The following MAPRE2 variants were observed in gnomAD, a reference collection of about 807,000 sequenced individuals.
MAPRE2 encodes the protein microtubule-associated protein RP/EB family member 2.
MAPRE2 carries 13 observed loss-of-function variants against 43.2 expected under a neutral mutation model. That is an observed-to-expected ratio of 0.30 (90% CI 0.20 to 0.48). MAPRE2 has a LOEUF of 0.48. Ranked by LOEUF, MAPRE2 falls within the 20% of genes least tolerant of loss-of-function variation. The pLI, the probability that MAPRE2 is intolerant of heterozygous loss-of-function variation, is 0.99. For missense variants in MAPRE2, 161 were observed against 400.2 expected, an observed-to-expected ratio of 0.40 and a Z score of 5.10; for synonymous variants, 135 against 148.8, an observed-to-expected ratio of 0.91 and a Z score of 0.68.
intron 2 of MAPRE2, among the ~76,000 whole-genome samples, chr18:35,079,246 T>C (rs1907517824): frequency 1.3e-5 from 2 of 152,206 alleles, no homozygotes; most frequent in Admixed American, 1.3e-4. Flanking sequence ...TTTCCTCCTT[T>C]CTATGCTATT....
intron 1 of MAPRE2, among the ~76,000 whole-genome samples, chr18:34,985,499 AT>A (rs367912977): frequency 1.1e-3 from 51 of 44,780 alleles, no homozygotes; most frequent in African/African-American, 2.7e-3. Flanking sequence ...TGTATATTAT[AT>A]AATATATAAT....
intron 2 of MAPRE2, among the ~76,000 whole-genome samples, chr18:35,071,085 G>A (rs187532078): frequency 8.5e-4 from 130 of 152,290 alleles, no homozygotes; most frequent in Middle Eastern, 3.4e-3. Context: ...ACAGGACTGC[G>A]TTTTGTTCTT....
At chr18:34,983,670 C>T (rs2097017533) in intron 1 of MAPRE2, among the ~76,000 whole-genome samples, 1 of 152,116 alleles carries the variant, frequency 6.6e-6, no homozygotes, top group Admixed American at 6.5e-5. Flanking sequence ...CATTCTGTCA[C>T]CCAGGTTAGA....
intron 4 of MAPRE2, among the ~76,000 whole-genome samples, chr18:35,112,670 C>T (rs1456188211): frequency 6.6e-6 from 1 of 152,168 alleles, no homozygotes; most frequent in Non-Finnish European, 1.5e-5. Flanking sequence ...TCCCCTACTC[C>T]CTGGAAGAAG....
intron 2 of MAPRE2, chr18:35,070,593 CTT>C (rs1307524221): frequency 4.4e-6 from 1 of 226,902 alleles, no homozygotes. Flanking sequence ...CTCCTAGCCT[CTT>C]CTCTGTCATC....
chr18:35,047,902 A>G (rs528299449), intron 1 of MAPRE2, among the ~76,000 whole-genome samples: 1 of 152,302 alleles, frequency 6.6e-6, no homozygotes, highest in Admixed American at 6.5e-5. Flanking sequence ...TCTAATGCTT[A>G]TCTAGTTAAG....
At chr18:35,136,418 A>G (rs545636627) in intron 6 of MAPRE2, among the ~76,000 whole-genome samples, 1 of 152,338 alleles carries the variant, frequency 6.6e-6, no homozygotes, top group South Asian at 2.1e-4. Context: ...CCAGTAAGGG[A>G]GACAGACAGG....
At chr18:35,096,422 G>A (rs1908418183) in intron 2 of MAPRE2, among the ~76,000 whole-genome samples, 1 of 152,188 alleles carries the variant, frequency 6.6e-6, no homozygotes, top group Admixed American at 6.5e-5. Flanking sequence ...GCCTATACTA[G>A]TAAGAAGATA....
chr18:35,030,530 T>C (rs1232024651), intron 2 of MAPRE2, among the ~76,000 whole-genome samples: 1 of 148,544 alleles, frequency 6.7e-6, no homozygotes, highest in Non-Finnish European at 1.5e-5. Context: ...AGTTACCTCC[T>C]GTGACAATTG....
intron 1 of MAPRE2, 171 bp downstream of exon 1, chr18:35,041,832 A>G: frequency 6.9e-7 from 1 of 1,443,948 alleles, no homozygotes; most frequent in Non-Finnish European, 9.1e-7. Flanking sequence ...TTGGGTTTGC[A>G]TTGAGGCTCC....
rs869108287 is a variant in MAPRE2, at chr18:35,077,249, GCACA to G, written c.250+6946_250+6949del. 8.8e-4 allele frequency among the ~76,000 whole-genome samples: 78 copies of G among 88,844 alleles called. 1 individual carries two copies. The highest frequency in any genetic ancestry group is 5.0e-3 in the African/African-American group (70 of 14,114). The allele number at this position is 88,844 out of a possible 152,430, so 58.3% of individuals were successfully genotyped here. On this transcript the variant is annotated intron_variant, in intron 2 of 6. Coordinates refer to ENST00000300249, the MANE Select transcript of MAPRE2 (RefSeq NM_014268.4). ...CACAGATACGCGCGCGTGCGCGCGCGCACACACACACACACACACACATACACAC... is the reference window on the plus strand; with the variant it reads ...CACAGATACGCGCGCGTGCGCGCGCGCACACACACACACACACATACACAC...
At chr18:35,083,094 G>A (rs755543517) in intron 2 of MAPRE2, among the ~76,000 whole-genome samples, 2 of 152,098 alleles carry the variant, frequency 1.3e-5, no homozygotes, top group African/African-American at 2.4e-5. Flanking sequence ...GGTGACCTAT[G>A]ACTACAAAAA....
chr18:35,127,914 TA>T (rs2144239853), intron 5 of MAPRE2, among the ~76,000 whole-genome samples: 1 of 152,320 alleles, frequency 6.6e-6, no homozygotes, highest in South Asian at 2.1e-4. Flanking sequence ...TTAAAAGTAA[TA>T]AAAGCAACGG....
chr18:35,055,479 A>G (rs2150608788), intron 1 of MAPRE2, among the ~76,000 whole-genome samples: 1 of 151,710 alleles, frequency 6.6e-6, no homozygotes, highest in South Asian at 2.1e-4. Flanking sequence ...TTTCCAAATA[A>G]AGTCATAATC....
intron 1 of MAPRE2, among the ~76,000 whole-genome samples, chr18:34,993,497 C>G (rs2097024863): frequency 6.6e-6 from 1 of 152,074 alleles, no homozygotes; most frequent in Admixed American, 6.5e-5. Context: ...ACTATAACAA[C>G]CTTTTCTTTG....
chr18:35,000,894 T>A (rs889665092), intron 1 of MAPRE2, among the ~76,000 whole-genome samples: 1 of 152,170 alleles, frequency 6.6e-6, no homozygotes, highest in African/African-American at 2.4e-5. Flanking sequence ...CAGTTTTGAA[T>A]ACAGAACACC....
chr18:35,052,633 G>A (rs1458356358), intron 1 of MAPRE2, among the ~76,000 whole-genome samples: 19 of 152,116 alleles, frequency 1.2e-4, no homozygotes, highest in Non-Finnish European at 2.5e-4. Flanking sequence ...GAAACTGTTT[G>A]GCAAACAGTT....
chr18:35,035,282 T>G (rs2097049960), intron 2 of MAPRE2, among the ~76,000 whole-genome samples: 1 of 150,998 alleles, frequency 6.6e-6, no homozygotes, highest in African/African-American at 2.4e-5. Flanking sequence ...AAACACCGCA[T>G]GTTCTCACTC....
intron 4 of MAPRE2, among the ~76,000 whole-genome samples, chr18:35,111,307 C>A (rs1217684889): frequency 1.3e-5 from 2 of 151,826 alleles, no homozygotes; most frequent in Non-Finnish European, 2.9e-5. Context: ...GTTTGCCTAC[C>A]TTTTCATTCA....
Sources: gnomAD v4.1 joint callset for allele counts (sites outside exome capture counted in the v4.1 genomes callset) on GRCh38, gnomAD v4.1.1 for gene constraint, MANE v1.5 for transcripts, NCBI Gene and HGNC (gene_info 2026-07-23, HGNC 2026-07-21) for gene names.